ARHGEF10: variants seen among roughly 807,000 people sequenced by gnomAD.
ARHGEF10 encodes the protein Rho guanine nucleotide exchange factor 10.
In ARHGEF10, 140 loss-of-function variants were observed where a neutral mutation model predicts 147.4. That is an observed-to-expected ratio of 0.95 (90% CI 0.83 to 1.09). The LOEUF is 1.09. ARHGEF10 is among the 50% of genes least tolerant of loss of function. ARHGEF10 has a pLI of 0.00. For synonymous variants in ARHGEF10, 902 were observed against 695.8 expected, an observed-to-expected ratio of 1.30 and a Z score of -4.67; for missense variants, 2,222 against 1,752.7, an observed-to-expected ratio of 1.27 and a Z score of -4.78.
At position 1,948,395 on chromosome 8, in the gene ARHGEF10, G is replaced by A. The variant is rs555043425; in HGVS notation, c.3397+2740G>A. On this transcript the variant is annotated intron_variant, in intron 27 of 28. Transcript: ENST00000349830. This position sits in a 1 kb window ranked among gnomAD's most constrained non-coding sequence, Gnocchi z 4.9. ...TGGAGTGCCGTGCTTCTCGTTGGCAGGTTTCTCCGGCATTTCGGTACTAAG... is the reference window on the plus strand; with the variant it reads ...TGGAGTGCCGTGCTTCTCGTTGGCAAGTTTCTCCGGCATTTCGGTACTAAG... 6.6e-6 allele frequency among the ~76,000 whole-genome samples: 1 copy of A among 152,338 alleles called. No individual in the cohort carries two copies. The highest frequency in any genetic ancestry group is 1.5e-5 in the Non-Finnish European group (1 of 68,032).
At chr8:1,876,442 G>C in intron 7 of ARHGEF10, 129 bp from the exon 8 acceptor site, 1 of 993,880 alleles carries the variant, frequency 1.0e-6, no homozygotes, top group Non-Finnish European at 1.6e-6. Flanking sequence ...GGCTCCGCAG[G>C]GTCCTCAGCA....
At chr8:1,902,077 A>T (rs1810508479) in intron 15 of ARHGEF10, among the ~76,000 whole-genome samples, 1 of 151,948 alleles carries the variant, frequency 6.6e-6, no homozygotes, top group East Asian at 1.9e-4. Flanking sequence ...GGGCTGCTGC[A>T]CCTAGCAACC....
intron 9 of ARHGEF10, among the ~76,000 whole-genome samples, chr8:1,881,020 C>T (rs1170201284): frequency 2.6e-5 from 4 of 152,108 alleles, no homozygotes; most frequent in Admixed American, 6.5e-5. Context: ...GGCAGTGTGG[C>T]GGGGTTTCTG....
At chr8:1,928,238 A>T (rs370399863) in intron 23 of ARHGEF10, among the ~76,000 whole-genome samples, 189 bp from the exon 24 acceptor site, 2 of 152,186 alleles carry the variant, frequency 1.3e-5, no homozygotes, top group Non-Finnish European at 2.9e-5. Context: ...TTGAAAACTG[A>T]ATTAAATGTG....
At chr8:1,924,346 G>A (rs888972369) in intron 21 of ARHGEF10, among the ~76,000 whole-genome samples, 1 of 152,298 alleles carries the variant, frequency 6.6e-6, no homozygotes, top group African/African-American at 2.4e-5. Context: ...TACTGTAGAT[G>A]GATGTGACTT....
rs1313839474 is a variant in ARHGEF10, at chr8:1,894,548, G to C, written c.1416G>C (p.Met472Ile). 2 of 1,614,056 alleles carry C rather than the reference G, an allele frequency of 1.2e-6. No individual in the cohort carries two copies. The highest frequency in any genetic ancestry group is 1.3e-5 in the African/African-American group (1 of 74,924). Residue 472 changes from methionine (M) to isoleucine (I), a missense_variant, in exon 13 of 29, where the codon ATG becomes ATC. Transcript: ENST00000349830. ...SRVSEWDSVE[M>I]IGDVFVASFS... ...TTTCCGAGTGGGACTCCGTGGAAATGATAGGCGATGTCTTCGTGGCTTCGG... is the reference window on the plus strand; with the variant it reads ...TTTCCGAGTGGGACTCCGTGGAAATCATAGGCGATGTCTTCGTGGCTTCGG...
At chr8:1,931,431 A>C (rs953949208) in intron 25 of ARHGEF10, among the ~76,000 whole-genome samples, 1 of 152,050 alleles carries the variant, frequency 6.6e-6, no homozygotes, top group African/African-American at 2.4e-5. Context: ...TGTCCTGTCC[A>C]CTGTGGAGCC....
chr8:1,909,995 T>C (rs978147153), intron 18 of ARHGEF10, among the ~76,000 whole-genome samples: 4 of 152,212 alleles, frequency 2.6e-5, no homozygotes, highest in African/African-American at 9.7e-5. Context: ...TTTGGCAATG[T>C]CTTAGCATTG....
At chr8:1,839,613 A>ACTGTCTGGTGTGGAAG (rs1179227799) in intron 1 of ARHGEF10, among the ~76,000 whole-genome samples, 28 of 117,130 alleles carry the variant, frequency 2.4e-4, no homozygotes, top group East Asian at 1.7e-3. Context: ...TGCTGTGGGG[A>ACTGTCTGGTGTGGAAG]CTGTCTGGTG....
rs908339723 is a variant in ARHGEF10, at chr8:1,835,695, G to T, written c.-47-7658G>T. On this transcript the variant is annotated intron_variant, in intron 1 of 28. Coordinates refer to ENST00000349830, the MANE Select transcript of ARHGEF10 (RefSeq NM_014629.4). ...GGGCACACGGTGAACGGCACAGACA[G>T]CACAATTGCAGCACAGGTGCGGGTG... is the stretch of plus-strand genomic sequence containing the variant. Among the ~76,000 whole-genome samples, 28 of 152,324 alleles carry T rather than the reference G, an allele frequency of 1.8e-4. 1 individual carries two copies. The highest frequency in any genetic ancestry group is 6.7e-4 in the African/African-American group (28 of 41,572).
In ARHGEF10 at chr8:1,948,852, T is replaced by C. The variant is rs879847310; in HGVS notation, c.3397+3197T>C. ...GGGGCATGCTCATACCGTGCTGAAG[T>C]GCGCGGATGCTGAGGTCGCCGGGCC... is the stretch of plus-strand genomic sequence containing the variant. On this transcript the variant is annotated intron_variant, in intron 27 of 28. Transcript: ENST00000349830. The surrounding 1 kb of genome is among the most constrained non-coding windows in gnomAD (Gnocchi z 4.9). Among the ~76,000 whole-genome samples, 5 of 152,194 alleles carry C rather than the reference T, an allele frequency of 3.3e-5. No homozygotes were observed. Among genetic ancestry groups the C allele is most frequent in the Non-Finnish European group, 2.9e-5 (2 of 68,036 alleles).
At chr8:1,936,378 G>A (rs1384847403) in intron 26 of ARHGEF10, among the ~76,000 whole-genome samples, 7 of 152,248 alleles carry the variant, frequency 4.6e-5, no homozygotes, top group South Asian at 2.1e-4. Context: ...AGCTGGGCAC[G>A]GTAGTGCATG....
intron 7 of ARHGEF10, 89 bp from the exon 8 acceptor site, chr8:1,876,482 T>C: frequency 7.5e-7 from 1 of 1,334,434 alleles, no homozygotes; most frequent in African/African-American, 1.4e-5. Context: ...CCCCCAGCTC[T>C]AGATGATTTG....
At chr8:1,838,674 C>T (rs1017058280) in intron 1 of ARHGEF10, among the ~76,000 whole-genome samples, 6 of 152,286 alleles carry the variant, frequency 3.9e-5, no homozygotes, top group African/African-American at 1.2e-4. Context: ...TCCTCTCTGT[C>T]CATGGGATCC....
intron 4 of ARHGEF10, among the ~76,000 whole-genome samples, chr8:1,863,665 G>A (rs948359068): frequency 1.3e-5 from 2 of 152,086 alleles, no homozygotes; most frequent in Non-Finnish European, 2.9e-5. Flanking sequence ...CTCCGAGGTG[G>A]GAGGGTCTGC....
rs1563229575 is a variant in ARHGEF10, at chr8:1,885,727, C to T, written c.1182+20C>T. ...CAGCAGGTGAGATGAGCAGAGCTGACAGGGGCTGTTGACCAGCAGAGCTGT... is the reference window on the plus strand; with the variant it reads ...CAGCAGGTGAGATGAGCAGAGCTGATAGGGGCTGTTGACCAGCAGAGCTGT... On this transcript the variant is annotated intron_variant, in intron 11 of 28. Transcript: ENST00000349830. The T allele has an allele frequency of 6.4e-7, 1 of 1,557,914 alleles. No homozygotes were observed. The highest frequency in any genetic ancestry group is 8.9e-7 in the Non-Finnish European group (1 of 1,128,850).
rs1815683926 is a variant in ARHGEF10, at chr8:1,957,557, C to T, written c.*294C>T. 2 of 522,032 alleles carry T rather than the reference C, an allele frequency of 3.8e-6. No individual in the cohort carries two copies. The highest frequency in any genetic ancestry group is 2.3e-5 in the South Asian group (1 of 43,906). 32.3% of individuals were successfully genotyped at this position (522,032 alleles called of 1,614,324 possible). On this transcript the variant is annotated 3_prime_UTR_variant, in exon 29 of 29. Transcript: ENST00000349830. ...CACATTCTTTTTGACTGCTGTAGTC[C>T]ATATGTGAATACTAAATGTTAAACT... is the stretch of plus-strand genomic sequence containing the variant.
At chr8:1,855,093 C>T (rs1207498768) in intron 2 of ARHGEF10, among the ~76,000 whole-genome samples, 3 of 152,186 alleles carry the variant, frequency 2.0e-5, no homozygotes, top group Admixed American at 1.3e-4. Context: ...AGAATTCCTT[C>T]TTCCTGTATG....
intron 18 of ARHGEF10, among the ~76,000 whole-genome samples, chr8:1,915,028 T>C (rs911938942): frequency 1.3e-5 from 2 of 152,132 alleles, no homozygotes; most frequent in African/African-American, 4.8e-5. Flanking sequence ...CAGCTGCTCA[T>C]TACTGTGAAG....
Sources: gnomAD v4.1 joint callset for allele counts (sites outside exome capture counted in the v4.1 genomes callset) on GRCh38, gnomAD v4.1.1 for gene constraint, Gnocchi (gnomAD v3.1) non-coding constraint, MANE v1.5 for transcripts, NCBI Gene and HGNC (gene_info 2026-07-23, HGNC 2026-07-21) for gene names.